EPHA6: variants seen among roughly 807,000 people sequenced by gnomAD.
EPHA6 encodes ephrin type-A receptor 6.
EPHA6 carries 50 observed loss-of-function variants against 112.0 expected under a neutral mutation model. The observed-to-expected ratio is 0.45, with a 90% CI of 0.36 to 0.56. The LOEUF is 0.56. Ranked by LOEUF, EPHA6 falls within the 20% of genes least tolerant of loss-of-function variation. The probability of loss-of-function intolerance (pLI) is 0.00; values close to 1 mark genes in which losing one functional copy is unlikely to be tolerated. For missense variants in EPHA6, 1,280 were observed against 1,417.4 expected (o/e 0.90, Z 1.56); for synonymous variants, 529 against 490.7 (o/e 1.08, Z -1.03).
In EPHA6 at chr3:97,735,927, C is replaced by T. The variant is rs769334708; in HGVS notation, c.2937C>T (p.Val979=). Residue 979 remains valine (V), a splice_region_variant and synonymous_variant, in exon 16 of 18, where the codon GTC becomes GTT. Transcript: ENST00000389672. ...AATCTGTATATGTTTGCATTTAGGT[C>T]ATTCTGTCCATTGAAGAAGGGTACA... ...RPYWEMSNQD[V]ILSIEEGYRL... The T allele has an allele frequency of 1.1e-5, 17 of 1,600,548 alleles. No homozygotes were observed. In the South Asian group the frequency reaches 1.9e-4, roughly 18 times the overall value.
chr3:97,638,004 C>G lies in EPHA6; in HGVS notation c.2706C>G (p.Ser902Arg). The G allele has an allele frequency of 6.2e-7, 1 of 1,613,866 alleles. No individual in the cohort carries two copies. Among genetic ancestry groups the G allele is most frequent in the Non-Finnish European group, 8.5e-7 (1 of 1,179,802 alleles). ...DLAARNILVN[S>R]NLVCKVSDFG... ...CGGCTCGGAATATACTGGTCAATAG[C>G]AACTTAGTATGCAAAGTTTCTGATT... The change falls in exon 14 of 18, where the codon AGC becomes AGG. Residue 902 changes from serine (S) to arginine (R), a missense_variant. Transcript: ENST00000389672.
At chr3:97,676,033 A>G (rs1200342001) in intron 14 of EPHA6, among the ~76,000 whole-genome samples, 1 of 152,162 alleles carries the variant, frequency 6.6e-6, no homozygotes, top group Admixed American at 6.6e-5. Context: ...AGAGGGGGAA[A>G]AAATTGCTAA....
intron 14 of EPHA6, among the ~76,000 whole-genome samples, chr3:97,713,270 A>C (rs1388928762): frequency 6.6e-6 from 1 of 152,098 alleles, no homozygotes; most frequent in Non-Finnish European, 1.5e-5. Flanking sequence ...GAAAAGCCTA[A>C]ATTCAGACCT....
chr3:96,954,888 G>T (rs1295614513), intron 2 of EPHA6, among the ~76,000 whole-genome samples: 1 of 145,596 alleles, frequency 6.9e-6, no homozygotes, highest in Admixed American at 7.2e-5. Context: ...CCGCTTCCCG[G>T]GTTCACGCCA....
chr3:96,932,172 G>A (rs941117326), intron 2 of EPHA6, among the ~76,000 whole-genome samples: 3 of 152,126 alleles, frequency 2.0e-5, no homozygotes, highest in African/African-American at 7.2e-5. Context: ...ATTCTCTGTG[G>A]ATTGAGTTGT....
At chr3:96,898,890 T>G (rs2038435392) in intron 2 of EPHA6, among the ~76,000 whole-genome samples, 1 of 151,480 alleles carries the variant, frequency 6.6e-6, no homozygotes, top group African/African-American at 2.4e-5. Context: ...TAGCCGGGCA[T>G]GGTGGCGCGC....
chr3:96,973,909 A>G (rs1442544885), intron 2 of EPHA6, among the ~76,000 whole-genome samples: 1 of 146,258 alleles, frequency 6.8e-6, no homozygotes, highest in African/African-American at 2.5e-5. Context: ...TATATGATAT[A>G]ATAGATTCTG....
At chr3:97,316,152 A>G (rs1281269283) in intron 5 of EPHA6, among the ~76,000 whole-genome samples, 1 of 151,846 alleles carries the variant, frequency 6.6e-6, no homozygotes, top group East Asian at 1.9e-4. Context: ...TTTATCAAAT[A>G]TATTTCCCTC....
chr3:97,097,691 G>C (rs1410170441), intron 3 of EPHA6, among the ~76,000 whole-genome samples: 1 of 151,768 alleles, frequency 6.6e-6, no homozygotes, highest in African/African-American at 2.4e-5. Context: ...TGTCATATCT[G>C]TCTTATGTCA....
chr3:97,100,359 TTATC>T (rs2093457987), intron 3 of EPHA6, among the ~76,000 whole-genome samples: 1 of 151,620 alleles, frequency 6.6e-6, no homozygotes, highest in Non-Finnish European at 1.5e-5. Flanking sequence ...TTCTTTCTGA[TTATC>T]AGGCAGACAA....
chr3:97,092,805 A>G (rs997328096), intron 3 of EPHA6, among the ~76,000 whole-genome samples: 15 of 152,206 alleles, frequency 9.9e-5, no homozygotes, highest in African/African-American at 2.6e-4. Flanking sequence ...GGTTTCTTCC[A>G]TGTTTCACTA....
At chr3:96,831,528 T>G (rs1483601469) in intron 1 of EPHA6, among the ~76,000 whole-genome samples, 1 of 152,026 alleles carries the variant, frequency 6.6e-6, no homozygotes, top group East Asian at 1.9e-4. Flanking sequence ...TTTTTTTTTT[T>G]GCCAATTGAC....
At chr3:97,269,198 G>A (rs1487570291) in intron 5 of EPHA6, among the ~76,000 whole-genome samples, 2 of 152,108 alleles carry the variant, frequency 1.3e-5, no homozygotes, top group African/African-American at 4.8e-5. Flanking sequence ...GTATTGCGGA[G>A]GACTGTTGAT....
At chr3:97,193,140 A>G (rs2077351905) in intron 3 of EPHA6, among the ~76,000 whole-genome samples, 1 of 152,062 alleles carries the variant, frequency 6.6e-6, no homozygotes, top group Middle Eastern at 3.2e-3. Flanking sequence ...GTGCTTTCAT[A>G]TACATTTTAG....
intron 2 of EPHA6, among the ~76,000 whole-genome samples, chr3:96,983,466 C>T (rs1035362740): frequency 1.3e-5 from 2 of 152,170 alleles, no homozygotes; most frequent in African/African-American, 4.8e-5. Flanking sequence ...TGTGACCTTT[C>T]TCTCTGGCTG....
chr3:96,871,924 A>G lies in EPHA6; in HGVS notation c.450+5035A>G, dbSNP rs150562549. On this transcript the variant is annotated intron_variant, in intron 2 of 17. Coordinates refer to ENST00000389672, the MANE Select transcript of EPHA6 (RefSeq NM_001080448.3). ...TTCAGTGTGGTAACGGCCTCTTAAA[A>G]GATGCTGAATCGAATTAACCAGGAG... 2.9e-3 allele frequency among the ~76,000 whole-genome samples: 445 copies of G among 152,248 alleles called. 4 individuals carry two copies. Among genetic ancestry groups the G allele is most frequent in the African/African-American group, 9.8e-3 (407 of 41,568 alleles).
chr3:97,465,406 A>T (rs1391855631), intron 7 of EPHA6, among the ~76,000 whole-genome samples: 1 of 152,102 alleles, frequency 6.6e-6, no homozygotes, highest in African/African-American at 2.4e-5. Flanking sequence ...CACATGGCTT[A>T]AGGAGAAGCA....
At chr3:97,701,374 A>G (rs569550616) in intron 14 of EPHA6, among the ~76,000 whole-genome samples, 3 of 152,196 alleles carry the variant, frequency 2.0e-5, no homozygotes, top group Admixed American at 6.5e-5. Flanking sequence ...CCATCTTGGG[A>G]GGATCAGAGG....
At chr3:97,051,865 A>G (rs1007460302) in intron 3 of EPHA6, among the ~76,000 whole-genome samples, 3 of 152,116 alleles carry the variant, frequency 2.0e-5, no homozygotes, top group Non-Finnish European at 2.9e-5. Context: ...TCCAAATGTT[A>G]TAGTCTGTGT....
Sources: allele counts gnomAD v4.1 joint callset (sites outside exome capture counted in the v4.1 genomes callset), GRCh38; gene constraint gnomAD v4.1.1; transcripts MANE v1.5; gene names NCBI Gene and HGNC (gene_info 2026-07-23, HGNC 2026-07-21).